Variants in SPATA17 observed in about 807,000 individuals in gnomAD.
SPATA17 encodes spermatogenesis-associated protein 17.
A neutral mutation model predicts 62.2 loss-of-function variants in SPATA17; 53 were observed. The observed-to-expected ratio is 0.85, with a 90% CI of 0.68 to 1.07. The LOEUF (loss-of-function observed/expected upper bound fraction) is 1.07. Among genes scored for constraint, SPATA17 ranks in the 50% least tolerant of loss-of-function variants. The pLI, the probability that SPATA17 is intolerant of heterozygous loss-of-function variation, is 0.00. For missense variants in SPATA17, 466 were observed against 425.5 expected, an observed-to-expected ratio of 1.10 and a Z score of -0.84; for synonymous variants, 146 against 146.8, an observed-to-expected ratio of 0.99 and a Z score of 0.04.
At chr1:217,764,583 T>C (rs890889332) in intron 6 of SPATA17, among the ~76,000 whole-genome samples, 1 of 152,192 alleles carries the variant, frequency 6.6e-6, no homozygotes, top group African/African-American at 2.4e-5. Flanking sequence ...TGGGTAAATA[T>C]ATAAGAACAC....
At chr1:217,759,067 G>A (rs1673111473) in intron 6 of SPATA17, among the ~76,000 whole-genome samples, 1 of 152,140 alleles carries the variant, frequency 6.6e-6, no homozygotes, top group Non-Finnish European at 1.5e-5. Flanking sequence ...AGGAAGACTG[G>A]ACCATGTGCC....
At chr1:217,779,545 G>A (rs554575761) in intron 7 of SPATA17, among the ~76,000 whole-genome samples, 2 of 150,378 alleles carry the variant, frequency 1.3e-5, no homozygotes, top group African/African-American at 4.9e-5. Context: ...TCTTCCTTCT[G>A]TCATCTTTTC....
intron 3 of SPATA17, among the ~76,000 whole-genome samples, chr1:217,667,257 C>G (rs929195501): frequency 3.3e-5 from 5 of 151,632 alleles, no homozygotes; most frequent in African/African-American, 1.2e-4. Flanking sequence ...CCATGTTGGC[C>G]AGGCTGGTCT....
intron 9 of SPATA17, among the ~76,000 whole-genome samples, chr1:217,820,163 A>C (rs1358451116): frequency 6.6e-6 from 1 of 152,040 alleles, no homozygotes; most frequent in Admixed American, 6.6e-5. Flanking sequence ...AGATGATAAG[A>C]CTGGAGATCT....
At chr1:217,755,434 G>A (rs1673018393) in intron 6 of SPATA17, among the ~76,000 whole-genome samples, 1 of 151,974 alleles carries the variant, frequency 6.6e-6, no homozygotes, top group Non-Finnish European at 1.5e-5. Context: ...ATCTCTGAGT[G>A]TAAAATAAAT....
intron 5 of SPATA17, among the ~76,000 whole-genome samples, chr1:217,694,428 G>A (rs1349524495): frequency 1.4e-5 from 2 of 144,418 alleles, no homozygotes; most frequent in Non-Finnish European, 3.0e-5. Flanking sequence ...CACACTGATG[G>A]GTCTTGACTC....
rs60691625 is a variant in SPATA17, at chr1:217,732,084, T to TTCTCTCTCTCTCTC, written c.396-9881_396-9868dup. The stretch of plus-strand genomic sequence containing the variant: ...AATGGAGAAAGAAAATTACTCCAGT[T>TTCTCTCTCTCTCTC]TCTCTCTCTCTCTCTCTCTCTCTGT... On this transcript the variant is annotated intron_variant, in intron 5 of 10. Transcript: ENST00000366933. Among the ~76,000 whole-genome samples, 959 of 148,800 alleles carry TTCTCTCTCTCTCTC rather than the reference T, an allele frequency of 6.4e-3. 7 individuals carry two copies. Among genetic ancestry groups the TTCTCTCTCTCTCTC allele is most frequent in the South Asian group, 0.013 (60 of 4,696 alleles).
At chr1:217,810,049 T>C (rs1674547743) in intron 9 of SPATA17, among the ~76,000 whole-genome samples, 1 of 152,194 alleles carries the variant, frequency 6.6e-6, no homozygotes, top group Admixed American at 6.5e-5. Flanking sequence ...GACATTAAGC[T>C]GCTTCAGAGT....
chr1:217,678,660 G>A (rs1377149410), intron 4 of SPATA17, among the ~76,000 whole-genome samples: 1 of 152,116 alleles, frequency 6.6e-6, no homozygotes, highest in Non-Finnish European at 1.5e-5. Context: ...TTTGCCATTT[G>A]TTTTAGTGCT....
intron 1 of SPATA17, among the ~76,000 whole-genome samples, chr1:217,636,474 C>T (rs961134106): frequency 2.0e-5 from 3 of 152,076 alleles, no homozygotes; most frequent in Admixed American, 6.6e-5. Context: ...AGTGCAGTGG[C>T]GTGATCTCAG....
At chr1:217,650,279 A>G (rs1289732959) in intron 2 of SPATA17, among the ~76,000 whole-genome samples, 1 of 152,084 alleles carries the variant, frequency 6.6e-6, no homozygotes, top group Non-Finnish European at 1.5e-5. Flanking sequence ...ACTAAGGAAC[A>G]TGGTGGCAAA....
chr1:217,815,934 C>T (rs1435926134), intron 9 of SPATA17, among the ~76,000 whole-genome samples: 1 of 152,124 alleles, frequency 6.6e-6, no homozygotes, highest in Non-Finnish European at 1.5e-5. Context: ...CCCTGACTTA[C>T]ATAGAGTGAT....
At chr1:217,726,854 CTTA>C (rs1672274112) in intron 5 of SPATA17, among the ~76,000 whole-genome samples, 1 of 151,962 alleles carries the variant, frequency 6.6e-6, no homozygotes, top group Non-Finnish European at 1.5e-5. Context: ...TTATGCTTTC[CTTA>C]AATGGAGTAT....
intron 6 of SPATA17, among the ~76,000 whole-genome samples, chr1:217,770,485 T>C (rs1208012505): frequency 6.6e-6 from 1 of 152,194 alleles, no homozygotes; most frequent in Non-Finnish European, 1.5e-5. Flanking sequence ...CTGGGAATTG[T>C]AGGTGTACAC....
chr1:217,833,959 G>T (rs1294705805), intron 9 of SPATA17, among the ~76,000 whole-genome samples: 1 of 152,126 alleles, frequency 6.6e-6, no homozygotes, highest in African/African-American at 2.4e-5. Flanking sequence ...TAGGTATGTA[G>T]TGTCAAATGG....
chr1:217,690,948 G>A (rs756585553), intron 5 of SPATA17, among the ~76,000 whole-genome samples: 25,500 of 132,396 alleles, frequency 0.19, 2,809 homozygotes, highest in African/African-American at 0.28. Context: ...CGCAATAAAC[G>A]TACGTGTGCA....
intron 4 of SPATA17, among the ~76,000 whole-genome samples, chr1:217,671,389 C>G (rs1246073521): frequency 6.6e-6 from 1 of 152,182 alleles, no homozygotes; most frequent in Admixed American, 6.5e-5. Context: ...TTCCTTCTAG[C>G]CTTGTTTATA....
At chr1:217,667,148 A>G (rs1227422696) in intron 3 of SPATA17, among the ~76,000 whole-genome samples, 1 of 150,386 alleles carries the variant, frequency 6.6e-6, no homozygotes, top group Non-Finnish European at 1.5e-5. Flanking sequence ...CCCAGGTTCA[A>G]GAGATTCTCC....
At chr1:217,791,455 T>TA in intron 8 of SPATA17, among the ~76,000 whole-genome samples, 3 of 152,332 alleles carry the variant, frequency 2.0e-5, no homozygotes, top group African/African-American at 7.2e-5. Context: ...AAGAGCCCTG[T>TA]ATTACTTTGG....
Sources: allele counts gnomAD v4.1 joint callset (sites outside exome capture counted in the v4.1 genomes callset), GRCh38; gene constraint gnomAD v4.1.1; transcripts MANE v1.5; gene names NCBI Gene and HGNC (gene_info 2026-07-23, HGNC 2026-07-21).